The following DCAF6 variants were observed in gnomAD, a reference collection of about 807,000 sequenced individuals.
DCAF6 encodes the protein DDB1- and CUL4-associated factor 6.
DCAF6 carries 54 observed loss-of-function variants against 125.1 expected under a neutral mutation model. That is an observed-to-expected ratio of 0.43 (90% confidence interval 0.35 to 0.54). The LOEUF (loss-of-function observed/expected upper bound fraction) is 0.54. Ranked by LOEUF, DCAF6 falls within the 20% of genes least tolerant of loss-of-function variation. DCAF6 has a pLI of 0.01. For synonymous variants in DCAF6, 371 were observed against 390.4 expected, an observed-to-expected ratio of 0.95 and a Z score of 0.58; for missense variants, 934 against 1,161.7, an observed-to-expected ratio of 0.80 and a Z score of 2.85.
chr1:167,984,375 A>G (rs976786091), intron 4 of DCAF6, among the ~76,000 whole-genome samples: 3 of 152,212 alleles, frequency 2.0e-5, no homozygotes, highest in Admixed American at 6.5e-5. Flanking sequence ...TAAGAAATAG[A>G]TACATGTTTT....
In DCAF6 at chr1:168,065,890, C is replaced by T. The variant is rs146206461; in HGVS notation, c.2596+144C>T. 6.1e-4 allele frequency: 431 copies of T among 701,156 alleles called. 2 individuals are homozygous for T. The African/African-American group carries it at 6.9e-3, about 11-fold the overall frequency. The allele number at this position is 701,156 out of a possible 1,614,324, so 43.4% of individuals were successfully genotyped here. A position where few individuals can be genotyped will look rare whatever the true frequency, so the allele number is the denominator to read the frequency against. ...AGCAGTAGAGTCAATTACAGCTGAA[C>T]TTGCACTTCAAACACACCTGTAATC... On this transcript the variant is annotated intron_variant, in intron 19 of 21. Transcript: ENST00000367840.
intron 10 of DCAF6, among the ~76,000 whole-genome samples, chr1:168,014,488 T>C (rs552024161): frequency 6.6e-6 from 1 of 152,340 alleles, no homozygotes; most frequent in East Asian, 1.9e-4. Flanking sequence ...CCTTACTCTT[T>C]AGGGGACTTA....
At chr1:167,869,934 T>C in the DCAF6 span, among the ~76,000 whole-genome samples, 24 of 152,228 alleles carry the variant, frequency 1.6e-4, no homozygotes, top group African/African-American at 5.5e-4. Flanking sequence ...CTTAAGTGTT[T>C]GTTCTGCAGA....
Position 168,002,584 on chromosome 1 carries a change from A to G in DCAF6, c.997+9A>G. 2 of 1,608,562 alleles carry G rather than the reference A, an allele frequency of 1.2e-6. No individual in the cohort carries two copies. Among genetic ancestry groups the G allele is most frequent in the Non-Finnish European group, 1.7e-6 (2 of 1,176,096 alleles). On this transcript the variant is annotated intron_variant, in intron 8 of 21. Transcript: ENST00000367840. ...TGAACGAGAACGAGATGGTAACTATACTTTGGTCAGCTTTTCTTTGTATAT... is the reference window on the plus strand; with the variant it reads ...TGAACGAGAACGAGATGGTAACTATGCTTTGGTCAGCTTTTCTTTGTATAT...
At chr1:168,037,339 T>G (rs1379006072) in intron 12 of DCAF6, among the ~76,000 whole-genome samples, 3 of 152,216 alleles carry the variant, frequency 2.0e-5, no homozygotes, top group Non-Finnish European at 2.9e-5. Flanking sequence ...TTGTTATTTT[T>G]CAAGAGAAGT....
At chr1:167,875,415 A>G in the DCAF6 span, among the ~76,000 whole-genome samples, 1 of 70,322 alleles carries the variant, frequency 1.4e-5, no homozygotes, top group Admixed American at 1.3e-4. Flanking sequence ...CATCTGGCAC[A>G]TTGTTCAATA....
At chr1:167,942,173 C>G (rs1421155105) in intron 1 of DCAF6, among the ~76,000 whole-genome samples, 1 of 152,190 alleles carries the variant, frequency 6.6e-6, no homozygotes, top group East Asian at 1.9e-4. Flanking sequence ...TCAAGAGATT[C>G]TCCTGCCTCA....
chr1:167,968,940 A>T (rs920679253), intron 3 of DCAF6, among the ~76,000 whole-genome samples: 2 of 152,208 alleles, frequency 1.3e-5, no homozygotes, highest in African/African-American at 2.4e-5. Context: ...TATTATTGCA[A>T]TGTGAAATTT....
the DCAF6 span, among the ~76,000 whole-genome samples, chr1:167,891,881 A>C: frequency 6.6e-6 from 1 of 152,122 alleles, no homozygotes; most frequent in Non-Finnish European, 1.5e-5. Context: ...ATGCTTCCTA[A>C]TTGCCTAGAA....
the DCAF6 span, among the ~76,000 whole-genome samples, chr1:167,875,536 T>C: frequency 3.3e-5 from 5 of 152,252 alleles, no homozygotes; most frequent in African/African-American, 1.2e-4. Flanking sequence ...CCTGCAAAGA[T>C]TCCACCAATT....
intron 8 of DCAF6, among the ~76,000 whole-genome samples, 199 bp from the exon 9 acceptor site, chr1:168,003,671 G>A (rs1476432204): frequency 6.6e-6 from 1 of 152,032 alleles, no homozygotes; most frequent in East Asian, 1.9e-4. Context: ...CCATACACAT[G>A]GAAAGTCACT....
In DCAF6 at chr1:168,002,343, C is replaced by G. The variant is rs963235274; in HGVS notation, c.904-139C>G. ...AAAAGACTGACGCTTATACCAGTGT[C>G]TTTCATATTTTCATGTAGATCTAAT... On this transcript the variant is annotated intron_variant, in intron 7 of 21. Coordinates refer to ENST00000367840, the MANE Select transcript of DCAF6 (RefSeq NM_001198956.2). 1.7e-5 allele frequency: 11 copies of G among 664,614 alleles called. No individual in the cohort carries two copies. The African/African-American group carries it at 2.0e-4, about 12-fold the overall frequency. The allele number at this position is 664,614 out of a possible 1,614,324, so 41.2% of individuals were successfully genotyped here. A position where few individuals can be genotyped will look rare whatever the true frequency, so the allele number is the denominator to read the frequency against.
At chr1:167,866,091 C>T in the DCAF6 span, among the ~76,000 whole-genome samples, 71 of 152,298 alleles carry the variant, frequency 4.7e-4, no homozygotes, top group Non-Finnish European at 9.3e-4. Flanking sequence ...ATCAATCAGT[C>T]AGCCCTTGTT....
rs35185748 is a variant in DCAF6, at chr1:168,007,962, CTTTTTTTTTTTTTTTT to C, written c.1378+3181_1378+3196del. Among the ~76,000 whole-genome samples, 9 of 67,482 alleles carry C rather than the reference CTTTTTTTTTTTTTTTT, an allele frequency of 1.3e-4. No individual in the cohort carries two copies. The East Asian group carries it at 3.8e-3, about 28-fold the overall frequency. The allele number at this position is 67,482 out of a possible 152,430, so 44.3% of individuals were successfully genotyped here. A position where few individuals can be genotyped will look rare whatever the true frequency, so the allele number is the denominator to read the frequency against. ...GTATGTTTTTGTTATTGTTGTACAT[CTTTTTTTTTTTTTTTT>C]TTTTTTTTTTTAAAGACAGTCTCAC... On this transcript the variant is annotated intron_variant, in intron 10 of 21. Coordinates refer to ENST00000367840, the MANE Select transcript of DCAF6 (RefSeq NM_001198956.2).
chr1:168,026,649 C>A (rs1192573328), intron 12 of DCAF6, among the ~76,000 whole-genome samples: 2 of 151,872 alleles, frequency 1.3e-5, no homozygotes, highest in Admixed American at 1.3e-4. Flanking sequence ...AATGAACCAT[C>A]AGCCAAGATA....
At chr1:167,899,344 C>T in the DCAF6 span, 20 of 1,402,016 alleles carry the variant, frequency 1.4e-5, no homozygotes, top group South Asian at 5.9e-5. Flanking sequence ...ATGAAACCAG[C>T]GTGCCCAGTG....
chr1:168,015,986 G>A (rs1355042965), intron 11 of DCAF6, 35 bp downstream of exon 11: 1 of 1,407,598 alleles, frequency 7.1e-7, no homozygotes. Flanking sequence ...GCAGCTGATA[G>A]AATTGTTTTT....
intron 3 of DCAF6, among the ~76,000 whole-genome samples, chr1:167,968,177 T>C (rs1676724537): frequency 6.6e-6 from 1 of 152,220 alleles, no homozygotes; most frequent in Non-Finnish European, 1.5e-5. Flanking sequence ...AACCACACAG[T>C]AATTTCAATA....
At chr1:167,907,667 G>A in the DCAF6 span, among the ~76,000 whole-genome samples, 62 of 152,314 alleles carry the variant, frequency 4.1e-4, no homozygotes, top group South Asian at 8.3e-3. Flanking sequence ...ATTTAGATTA[G>A]CAAGAGGTGA....
Sources: allele counts gnomAD v4.1 joint callset (sites outside exome capture counted in the v4.1 genomes callset), GRCh38; gene constraint gnomAD v4.1.1; transcripts MANE v1.5; gene names NCBI Gene and HGNC (gene_info 2026-07-23, HGNC 2026-07-21).